Variants in RPS6KC1 observed in about 807,000 individuals in gnomAD.
The protein encoded by RPS6KC1 is inactive ribosomal protein S6 kinase delta-1.
A neutral mutation model predicts 103.8 loss-of-function variants in RPS6KC1; 54 were observed. The ratio of observed to expected loss-of-function variants is 0.52; its 90% CI spans 0.42 to 0.65. The LOEUF is 0.65. Ranked by LOEUF, RPS6KC1 falls within the 30% of genes least tolerant of loss-of-function variation. The pLI, the probability that RPS6KC1 is intolerant of heterozygous loss-of-function variation, is 0.00. For synonymous variants in RPS6KC1, 439 were observed against 438.7 expected, an observed-to-expected ratio of 1.00 and a Z score of -0.01; for missense variants, 1,151 against 1,253.8, an observed-to-expected ratio of 0.92 and a Z score of 1.24.
At chr1:213,482,540 GTTTTTTTTTTTTTTT>G in the RPS6KC1 span, among the ~76,000 whole-genome samples, 12 of 61,150 alleles carry the variant, frequency 2.0e-4, no homozygotes, top group African/African-American at 5.7e-4. Flanking sequence ...CTAACTTGAG[GTTTTTTTTTTTTTTT>G]TTTTTTTTTT....
the RPS6KC1 span, among the ~76,000 whole-genome samples, chr1:213,536,929 A>C: frequency 6.6e-6 from 1 of 152,192 alleles, no homozygotes; most frequent in South Asian, 2.1e-4. Flanking sequence ...CCTGATATAC[A>C]GAATTGGTCC....
chr1:213,140,988 C>A (rs150856730), intron 6 of RPS6KC1, among the ~76,000 whole-genome samples: 2 of 151,878 alleles, frequency 1.3e-5, no homozygotes, highest in Admixed American at 1.3e-4. Flanking sequence ...CCTCCCCCTC[C>A]CGGGTTCAAG....
the RPS6KC1 span, among the ~76,000 whole-genome samples, chr1:213,741,879 G>A: frequency 6.6e-6 from 1 of 152,118 alleles, no homozygotes; most frequent in Non-Finnish European, 1.5e-5. Context: ...AGAAATGGAA[G>A]GGAAGGAAGA....
the RPS6KC1 span, among the ~76,000 whole-genome samples, chr1:213,792,888 C>T: frequency 6.6e-6 from 1 of 151,632 alleles, no homozygotes; most frequent in Non-Finnish European, 1.5e-5. Context: ...CCTCAGCACT[C>T]CCGATATTTT....
At chr1:213,582,183 A>G in the RPS6KC1 span, among the ~76,000 whole-genome samples, 1 of 150,376 alleles carries the variant, frequency 6.6e-6, no homozygotes, top group Non-Finnish European at 1.5e-5. Flanking sequence ...GAATACGTGA[A>G]TGAAATTGCT....
At chr1:213,370,425 A>G in the RPS6KC1 span, among the ~76,000 whole-genome samples, 1 of 152,088 alleles carries the variant, frequency 6.6e-6, no homozygotes, top group African/African-American at 2.4e-5. Context: ...TGATTCAATA[A>G]GATTTGTTGG....
At chr1:213,355,852 G>C in the RPS6KC1 span, among the ~76,000 whole-genome samples, 3 of 152,326 alleles carry the variant, frequency 2.0e-5, no homozygotes, top group African/African-American at 4.8e-5. Flanking sequence ...GAGCCAGGCT[G>C]TCTGGGTCTA....
the RPS6KC1 span, among the ~76,000 whole-genome samples, chr1:213,435,430 A>G: frequency 6.6e-6 from 1 of 152,228 alleles, no homozygotes; most frequent in Non-Finnish European, 1.5e-5. Flanking sequence ...CATTGTAAAT[A>G]TTGCCTCATT....
At chr1:213,221,689 A>G (rs750845160) in intron 8 of RPS6KC1, among the ~76,000 whole-genome samples, 1 of 152,168 alleles carries the variant, frequency 6.6e-6, no homozygotes, top group Non-Finnish European at 1.5e-5. Context: ...TTTATTTACC[A>G]GTTTAGTCTT....
At chr1:213,359,787 A>T in the RPS6KC1 span, among the ~76,000 whole-genome samples, 1 of 152,168 alleles carries the variant, frequency 6.6e-6, no homozygotes, top group Non-Finnish European at 1.5e-5. Context: ...GCTTGTCTTT[A>T]AAGTATTTTA....
chr1:213,235,001 ACAGTGTGTTTTCTTTTACACAT>A (rs942748379), intron 10 of RPS6KC1, among the ~76,000 whole-genome samples: 2 of 152,214 alleles, frequency 1.3e-5, no homozygotes, highest in South Asian at 2.1e-4. Context: ...TGGATGATGA[ACAGTGTGTTTTCTTTTACACAT>A]CAGTGGCACC....
chr1:213,467,973 C>T, the RPS6KC1 span, among the ~76,000 whole-genome samples: 2 of 152,164 alleles, frequency 1.3e-5, no homozygotes, highest in African/African-American at 4.8e-5. Context: ...TAAAGGTAAA[C>T]AATTACGAAG....
downstream of RPS6KC1, among the ~76,000 whole-genome samples, chr1:213,276,940 AT>A (rs2149208568): frequency 6.6e-6 from 1 of 152,264 alleles, no homozygotes; most frequent in East Asian, 1.9e-4. Flanking sequence ...CATCTGTCAT[AT>A]TTTGTGTGTT....
Position 213,242,186 on chromosome 1 carries a change from G to A in RPS6KC1, c.2710G>A (p.Gly904Ser), listed in dbSNP as rs61751035. The A allele has an allele frequency of 1.9e-5, 30 of 1,613,778 alleles. No individual in the cohort carries two copies. The Middle Eastern group carries it at 9.9e-4, about 53-fold the overall frequency. The change falls in exon 11 of 15, where the codon GGC becomes AGC. Residue 904 changes from glycine to serine, a missense_variant. Gly to Ser is a moderately conservative substitution (Grantham distance 56). Coordinates refer to ENST00000366960, the MANE Select transcript of RPS6KC1 (RefSeq NM_012424.6). ...ALASRFYIPEGCIQRWAAEMV... is the reference protein window; with the variant it reads ...ALASRFYIPESCIQRWAAEMV... ...AGCCTCCAGGTTTTACATCCCAGAG[G>A]GCTGCATTCAAAGATGGGCAGCTGA...
At chr1:213,703,714 A>G in the RPS6KC1 span, among the ~76,000 whole-genome samples, 1 of 152,010 alleles carries the variant, frequency 6.6e-6, no homozygotes, top group Non-Finnish European at 1.5e-5. Context: ...GCTCCATTGT[A>G]TGTTATTTGT....
At chr1:213,607,381 CT>C in the RPS6KC1 span, among the ~76,000 whole-genome samples, 1 of 152,130 alleles carries the variant, frequency 6.6e-6, no homozygotes, top group Non-Finnish European at 1.5e-5. Context: ...GTAATTTTCC[CT>C]CTTTTACAGA....
At chr1:213,081,975 AT>A (rs1396756540) in intron 3 of RPS6KC1, among the ~76,000 whole-genome samples, 1 of 152,192 alleles carries the variant, frequency 6.6e-6, no homozygotes, top group Non-Finnish European at 1.5e-5. Flanking sequence ...GAGATAGTAA[AT>A]GTTTCTTGTA....
At position 213,259,558 on chromosome 1, in the gene RPS6KC1, G is replaced by A. The variant is rs530968177; in HGVS notation, c.2912-2000G>A. Among the ~76,000 whole-genome samples the A allele has an allele frequency of 1.4e-4, 22 of 152,088 alleles. 1 individual carries two copies. Among genetic ancestry groups the A allele is most frequent in the Admixed American group, 1.1e-3 (17 of 15,290 alleles). ...AGCTTGGGCTACAGAGTGAGACTCC[G>A]TCTCAAAAAATACTCACCACCCCAG... On this transcript the variant is annotated intron_variant, in intron 12 of 14. Transcript: ENST00000366960.
chr1:213,565,604 A>T, the RPS6KC1 span, among the ~76,000 whole-genome samples: 4 of 152,328 alleles, frequency 2.6e-5, no homozygotes, highest in Non-Finnish European at 4.4e-5. Context: ...TGAAGGGAAT[A>T]GGGATGGATT....
Sources: gnomAD v4.1 joint callset for allele counts (sites outside exome capture counted in the v4.1 genomes callset) on GRCh38, gnomAD v4.1.1 for gene constraint, MANE v1.5 for transcripts, NCBI Gene and HGNC (gene_info 2026-07-23, HGNC 2026-07-21) for gene names.